SPTBN4: variants seen among roughly 807,000 people sequenced by gnomAD.
The protein encoded by SPTBN4 is spectrin beta, non-erythrocytic 4.
Under a neutral mutation model 277.8 loss-of-function variants are expected in SPTBN4, and 96 were observed. The observed-to-expected ratio is 0.35, with a 90% confidence interval of 0.29 to 0.41. The LOEUF (loss-of-function observed/expected upper bound fraction) is 0.41, where lower values mean the gene tolerates loss of function less well. Ranked by LOEUF, SPTBN4 falls within the 10% of genes least tolerant of loss-of-function variation. SPTBN4 has a pLI of 1.00. For missense variants in SPTBN4, 3,006 were observed against 3,595.7 expected (o/e 0.84, Z 4.19); for synonymous variants, 1,481 against 1,580.3 (o/e 0.94, Z 1.49).
Position 40,567,654 on chromosome 19 carries a change from C to A in SPTBN4, c.6337-9C>A. The stretch of plus-strand genomic sequence containing the variant: ...GCCTCCAACCTAACCCTGGTCCCTC[C>A]ATCCTCAGATCGAGAAAATCAAAGC... On this transcript the variant is annotated splice_polypyrimidine_tract_variant and intron_variant, in intron 30 of 35. Transcript: ENST00000598249. The A allele has an allele frequency of 1.3e-6, 2 of 1,506,870 alleles. No individual in the cohort carries two copies. The highest frequency in any genetic ancestry group is 4.5e-5 in the Admixed American group (2 of 44,688). The allele number at this position is 1,506,870 out of a possible 1,614,324, so 93.3% of individuals were successfully genotyped here.
intron 27 of SPTBN4, among the ~76,000 whole-genome samples, chr19:40,563,624 G>A (rs73050182): frequency 0.13 from 13,778 of 108,968 alleles, 745 homozygotes; most frequent in Middle Eastern, 0.17. Flanking sequence ...CTGGCCTCAG[G>A]TGATCCGCCC....
rs370944456 is a variant in SPTBN4 at position 40,534,142 on chromosome 19, C to G, written c.4158C>G (p.Gly1386=). The change falls in exon 20 of 36, where the codon GGC becomes GGG. Residue 1386 remains glycine (G), a synonymous_variant. Transcript: ENST00000598249. ...ELAASVRKKL[G]EIRQCWAELE... ...CGGCCTCCGTGCGGAAGAAGCTGGG[C>G]GAGATCCGCCAGTGCTGGGCGGAGC... 1 of 1,612,066 alleles carries G rather than the reference C, an allele frequency of 6.2e-7. No homozygotes were observed. The highest frequency in any genetic ancestry group is 1.1e-5 in the South Asian group (1 of 90,776).
rs906686666 is a variant in SPTBN4 at position 40,569,723 on chromosome 19, T to C, written c.7023T>C (p.Ala2341=). The change falls in exon 32 of 36, where the codon GCT becomes GCC. Residue 2341 remains alanine, a synonymous_variant. Coordinates refer to ENST00000598249, the MANE Select transcript of SPTBN4 (RefSeq NM_020971.3). ...AAGAGGCAGGCCCAGGGCTGCCTGC[T>C]GGGGTAAGTTGAGCCTCGGATGGGT... The part of the protein sequence containing the change: ...QEKEAGPGLP[A]GPSLPQPREL... 1 of 1,610,450 alleles carries C rather than the reference T, an allele frequency of 6.2e-7. No homozygotes were observed. Among genetic ancestry groups the C allele is most frequent in the African/African-American group, 1.3e-5 (1 of 74,708 alleles).
chr19:40,467,627 G>GC (rs917454621), intron 1 of SPTBN4, among the ~76,000 whole-genome samples: 2 of 149,204 alleles, frequency 1.3e-5, no homozygotes, highest in African/African-American at 4.9e-5. Flanking sequence ...CCTTTGCGGG[G>GC]GGGGGGGGGT....
At chr19:40,535,134 C>A (rs2080720565) in intron 20 of SPTBN4, among the ~76,000 whole-genome samples, 1 of 152,192 alleles carries the variant, frequency 6.6e-6, no homozygotes, top group South Asian at 2.1e-4. Context: ...CAGTCCATTG[C>A]AGCCTCAAAC....
At position 40,554,364 on chromosome 19, in the gene SPTBN4, C is replaced by G; in HGVS notation, c.4892C>G (p.Ala1631Gly). 6.3e-7 allele frequency: 1 copy of G among 1,585,914 alleles called. No individual in the cohort carries two copies. The highest frequency in any genetic ancestry group is 8.5e-7 in the Non-Finnish European group (1 of 1,171,162). ...FQVEQYYFDVAEVEAWLGEQE... is the reference protein window; with the variant it reads ...FQVEQYYFDVGEVEAWLGEQE... The stretch of plus-strand genomic sequence containing the variant: ...GTGGAGCAGTACTACTTCGACGTGG[C>G]TGAGGTGGAGGCGTGGCTGGGCGAG... Residue 1631 changes from alanine (A) to glycine (G), a missense_variant, in exon 23 of 36, where the codon GCT (alanine) becomes GGT (glycine). Physicochemically the swap from Ala to Gly is moderately conservative, Grantham distance 60. Transcript: ENST00000598249. This position sits in a 1 kb window ranked among gnomAD's most constrained non-coding sequence, Gnocchi z 5.7.
chr19:40,520,259 T>G, intron 16 of SPTBN4, 108 bp downstream of exon 16: 8 of 1,240,264 alleles, frequency 6.5e-6, no homozygotes, highest in Non-Finnish European at 7.2e-6. Flanking sequence ...CTGGGACCAC[T>G]GGGTTCTGAG....
intron 2 of SPTBN4, among the ~76,000 whole-genome samples, chr19:40,475,409 C>T (rs1047743557): frequency 2.0e-5 from 3 of 152,082 alleles, no homozygotes; most frequent in African/African-American, 7.2e-5. Flanking sequence ...AGTAACTCAG[C>T]AGTTTATAAT....
chr19:40,502,430 A>G lies in SPTBN4; in HGVS notation c.1126A>G (p.Ile376Val). Reference protein sequence around the residue: ...KGNLEVLLFSIQSKLRACNRR... With the variant: ...KGNLEVLLFSVQSKLRACNRR... Reference sequence around the variant, plus strand: ...GAACCTAGAGGTGCTGCTCTTCAGCATCCAGAGCAAACTGCGTGCCTGCAA... The same window carrying G: ...GAACCTAGAGGTGCTGCTCTTCAGCGTCCAGAGCAAACTGCGTGCCTGCAA... The change falls in exon 10 of 36, where the codon ATC becomes GTC. Residue 376 changes from isoleucine to valine, a missense_variant. This residue lies in a region of SPTBN4 where 1,759 missense variants were observed against 2,061.5 expected (regional missense o/e 0.85). Coordinates refer to ENST00000598249, the MANE Select transcript of SPTBN4 (RefSeq NM_020971.3). This position sits in a 1 kb window ranked among gnomAD's most constrained non-coding sequence, Gnocchi z 4.9. 6.2e-7 allele frequency: 1 copy of G among 1,613,572 alleles called. No individual in the cohort carries two copies. The highest frequency in any genetic ancestry group is 2.2e-5 in the East Asian group (1 of 44,880).
intron 2 of SPTBN4, among the ~76,000 whole-genome samples, chr19:40,485,701 A>G (rs2080063569): frequency 6.6e-6 from 1 of 151,740 alleles, no homozygotes. Context: ...AACCCCAGAT[A>G]CTCAGGAGGT....
In SPTBN4 at chr19:40,553,046, C is replaced by T. The variant is rs75571182; in HGVS notation, c.4675-1101C>T. On this transcript the variant is annotated intron_variant, in intron 22 of 35. Transcript: ENST00000598249. ...TAGCAAATTCCTCACCCTCTCTGTG[C>T]CTCAGTCTTCTCATCTGTAAAATGG... 2.0e-3 allele frequency among the ~76,000 whole-genome samples: 302 copies of T among 152,318 alleles called. 1 individual carries two copies. Among genetic ancestry groups the T allele is most frequent in the African/African-American group, 6.9e-3 (288 of 41,568 alleles).
chr19:40,569,845 A>G, intron 32 of SPTBN4, 119 bp downstream of exon 32: 2 of 950,478 alleles, frequency 2.1e-6, no homozygotes, highest in South Asian at 3.4e-5. Flanking sequence ...TGGACCCTGC[A>G]GAGACAGCAT....
At chr19:40,485,667 A>G (rs929452244) in intron 2 of SPTBN4, among the ~76,000 whole-genome samples, 5 of 151,426 alleles carry the variant, frequency 3.3e-5, no homozygotes, top group Admixed American at 6.6e-5. Context: ...AAAAAATCAG[A>G]TGGGCATGGT....
chr19:40,546,955 A>T (rs2080865916), intron 20 of SPTBN4, among the ~76,000 whole-genome samples: 1 of 152,212 alleles, frequency 6.6e-6, no homozygotes, highest in Non-Finnish European at 1.5e-5. Flanking sequence ...CCTTGCACTG[A>T]TACATATCAA....
rs1443500687 is a variant in SPTBN4, at chr19:40,472,634, C to A, written c.13C>A (p.Pro5Thr). The A allele has an allele frequency of 2.1e-5, 34 of 1,613,044 alleles. No individual in the cohort carries two copies. Among genetic ancestry groups the A allele is most frequent in the Non-Finnish European group, 2.9e-5 (34 of 1,179,430 alleles). MAQV[P>T]GEVDNMEGLP... is the part of the protein sequence containing the mutation. ...CTCACCTTCCCCGATGGCGCAGGTACCAGGGGAAGTGGACAACATGGAGGG... is the reference window on the plus strand; with the variant it reads ...CTCACCTTCCCCGATGGCGCAGGTAACAGGGGAAGTGGACAACATGGAGGG... Residue 5 changes from proline (P) to threonine (T), a missense_variant, in exon 2 of 36, where the codon CCA (proline) becomes ACA (threonine). Transcript: ENST00000598249.
chr19:40,515,348 G>A lies in SPTBN4; in HGVS notation c.2803G>A (p.Gly935Ser), dbSNP rs754212159. The A allele has an allele frequency of 6.2e-7, 1 of 1,611,766 alleles. No individual in the cohort carries two copies. The highest frequency in any genetic ancestry group is 1.7e-4 in the Middle Eastern group (1 of 6,058). ...SLDQEMNSLM[G>S]RVLDVNHTVQ... ...GGACCAAGAGATGAACAGCCTGATG[G>A]GCCGCGTTCTGGACGTGAACCACAC... The change falls in exon 15 of 36, where the codon GGC (glycine) becomes AGC (serine). Residue 935 changes from glycine to serine, a missense_variant. Around this residue, in one of 5 missense-constraint regions of SPTBN4, gnomAD observed 1,759 missense variants for 2,061.5 expected, o/e 0.85. Coordinates refer to ENST00000598249, the MANE Select transcript of SPTBN4 (RefSeq NM_020971.3). The surrounding 1 kb of genome is among the most constrained non-coding windows in gnomAD (Gnocchi z 4.1).
At chr19:40,487,674 GC>G (rs1479034489) in intron 2 of SPTBN4, 22 bp from the exon 3 acceptor site, 26 of 1,597,580 alleles carry the variant, frequency 1.6e-5, no homozygotes, top group Non-Finnish European at 2.1e-5. Context: ...GCGCCTGGGG[GC>G]TCATCAGGGC....
chr19:40,500,566 TC>T (rs1738317028), intron 7 of SPTBN4, among the ~76,000 whole-genome samples: 1 of 152,220 alleles, frequency 6.6e-6, no homozygotes. Context: ...ACGCCTATAG[TC>T]CCAGCACTAT....
chr19:40,469,353 C>G (rs1412815176), intron 1 of SPTBN4, among the ~76,000 whole-genome samples: 1 of 152,076 alleles, frequency 6.6e-6, no homozygotes, highest in South Asian at 2.1e-4. Flanking sequence ...CAACCTTCGC[C>G]TCCCGGTTTC....
Sources: gnomAD v4.1 joint callset for allele counts (sites outside exome capture counted in the v4.1 genomes callset) on GRCh38, gnomAD v4.1.1 for gene constraint, gnomAD v4.1.1 regional missense constraint, Gnocchi (gnomAD v3.1) non-coding constraint, MANE v1.5 for transcripts, NCBI Gene and HGNC (gene_info 2026-07-23, HGNC 2026-07-21) for gene names.